CRB1: variants seen among roughly 807,000 people sequenced by gnomAD.
CRB1 encodes the protein protein crumbs homolog 1.
A neutral mutation model predicts 120.0 loss-of-function variants in CRB1; 83 were observed. That is an observed-to-expected ratio of 0.69 (90% CI 0.58 to 0.83). The LOEUF (loss-of-function observed/expected upper bound fraction) is 0.83. Ranked by LOEUF, CRB1 falls within the 40% of genes least tolerant of loss-of-function variation. The pLI, the probability that CRB1 is intolerant of heterozygous loss-of-function variation, is 0.00. For synonymous variants in CRB1, 625 were observed against 612.5 expected (o/e 1.02, Z -0.30); for missense variants, 1,699 against 1,687.6 (o/e 1.01, Z -0.12).
chr1:197,380,953 T>A (rs1260680535), intron 5 of CRB1, among the ~76,000 whole-genome samples: 2 of 152,190 alleles, frequency 1.3e-5, no homozygotes, highest in African/African-American at 4.8e-5. Flanking sequence ...GCATGCAAAG[T>A]GTGTCCTTAG....
chr1:197,214,741 A>C, the CRB1 span, among the ~76,000 whole-genome samples: 2 of 152,192 alleles, frequency 1.3e-5, no homozygotes, highest in African/African-American at 2.4e-5. Context: ...AGTAAATACT[A>C]CCAATATTTA....
intron 1 of CRB1, among the ~76,000 whole-genome samples, chr1:197,275,753 A>G (rs1254947431): frequency 6.6e-6 from 1 of 151,990 alleles, no homozygotes; most frequent in Non-Finnish European, 1.5e-5. Flanking sequence ...TCAATTTTTT[A>G]ACCTACTTTT....
intron 8 of CRB1, among the ~76,000 whole-genome samples, chr1:197,433,696 G>A (rs1163604939): frequency 1.3e-5 from 2 of 151,880 alleles, no homozygotes; most frequent in Admixed American, 1.3e-4. Context: ...GTATATTGAT[G>A]GGAAACAACA....
intron 5 of CRB1, among the ~76,000 whole-genome samples, chr1:197,375,406 C>A (rs1328313434): frequency 6.6e-6 from 1 of 152,176 alleles, no homozygotes; most frequent in Non-Finnish European, 1.5e-5. Flanking sequence ...TCATAGCAGG[C>A]AGTAAGCCAA....
chr1:197,323,085 A>G (rs897829423), intron 1 of CRB1, among the ~76,000 whole-genome samples: 6 of 152,326 alleles, frequency 3.9e-5, no homozygotes, highest in Admixed American at 2.6e-4. Flanking sequence ...ATCAAAAATA[A>G]TATTGAAAAA....
chr1:197,252,070 G>A, the CRB1 span, among the ~76,000 whole-genome samples: 2 of 151,692 alleles, frequency 1.3e-5, no homozygotes, highest in African/African-American at 4.8e-5. Context: ...CTTAAATTAG[G>A]GGTCAGCAAT....
At chr1:197,327,090 C>A (rs1658536996) in intron 1 of CRB1, among the ~76,000 whole-genome samples, 1 of 33,462 alleles carries the variant, frequency 3.0e-5, no homozygotes, top group South Asian at 1.2e-3. Context: ...TTCTCACACA[C>A]CAAAAAAAAA....
intron 1 of CRB1, among the ~76,000 whole-genome samples, chr1:197,315,383 G>T (rs1657778794): frequency 6.6e-6 from 1 of 152,094 alleles, no homozygotes; most frequent in South Asian, 2.1e-4. Context: ...AAAAGCTTGG[G>T]GTTGACGGTA....
chr1:197,355,592 T>A (rs1660427477), intron 4 of CRB1, among the ~76,000 whole-genome samples: 1 of 152,162 alleles, frequency 6.6e-6, no homozygotes, highest in Admixed American at 6.5e-5. Context: ...ACTGGTGTGC[T>A]GGCACTGCTG....
intron 11 of CRB1, among the ~76,000 whole-genome samples, chr1:197,453,661 CA>C (rs1174480334): frequency 6.8e-6 from 1 of 146,278 alleles, no homozygotes; most frequent in African/African-American, 2.5e-5. Context: ...ATTGCAGCCT[CA>C]AACTTCTAGG....
chr1:197,262,984 G>T, the CRB1 span, among the ~76,000 whole-genome samples: 1 of 152,130 alleles, frequency 6.6e-6, no homozygotes, highest in Non-Finnish European at 1.5e-5. Flanking sequence ...GCGCTGTAAT[G>T]AACATATGAT....
intron 1 of CRB1, among the ~76,000 whole-genome samples, chr1:197,277,702 A>G (rs958348202): frequency 2.0e-5 from 3 of 151,992 alleles, no homozygotes; most frequent in Admixed American, 6.6e-5. Context: ...ATTAATTTTT[A>G]TATGAGTTGT....
At chr1:197,429,411 C>A in intron 7 of CRB1, 38 bp from the exon 8 acceptor site, 1 of 1,607,818 alleles carries the variant, frequency 6.2e-7, no homozygotes, top group Non-Finnish European at 8.5e-7. Flanking sequence ...TATTTAGTTG[C>A]CAGTGCTTTT....
chr1:197,267,634 T>G (rs1013044556), upstream of CRB1, among the ~76,000 whole-genome samples: 2 of 152,216 alleles, frequency 1.3e-5, no homozygotes, highest in African/African-American at 4.8e-5. Context: ...AAATACAATT[T>G]TAAGGACTTG....
chr1:197,351,109 AAGC>A (rs1660065923), intron 4 of CRB1, among the ~76,000 whole-genome samples: 1 of 151,350 alleles, frequency 6.6e-6, no homozygotes, highest in Non-Finnish European at 1.5e-5. Flanking sequence ...TGGGAGACCA[AAGC>A]AAGCAGATCA....
intron 1 of CRB1, among the ~76,000 whole-genome samples, chr1:197,291,745 A>G (rs1656195093): frequency 6.6e-6 from 1 of 151,868 alleles, no homozygotes; most frequent in Admixed American, 6.6e-5. Context: ...TAGATTGCAT[A>G]TATAATTATA....
At chr1:197,345,048 A>G (rs752940856) in intron 3 of CRB1, among the ~76,000 whole-genome samples, 1 of 152,242 alleles carries the variant, frequency 6.6e-6, no homozygotes, top group Non-Finnish European at 1.5e-5. Flanking sequence ...GAACAGCAAT[A>G]AATTACATCT....
chr1:197,445,696 G>C (rs1287515567), intron 11 of CRB1, among the ~76,000 whole-genome samples: 1 of 152,098 alleles, frequency 6.6e-6, no homozygotes, highest in Non-Finnish European at 1.5e-5. Context: ...TAGTGAGTTA[G>C]GCAGGAAATC....
chr1:197,231,817 C>T, the CRB1 span, among the ~76,000 whole-genome samples: 1 of 152,140 alleles, frequency 6.6e-6, no homozygotes, highest in Non-Finnish European at 1.5e-5. Context: ...CAGTAGCTCT[C>T]TTCTGTAGAC....
Sources: allele counts gnomAD v4.1 joint callset (sites outside exome capture counted in the v4.1 genomes callset), GRCh38; gene constraint gnomAD v4.1.1; transcripts MANE v1.5; gene names NCBI Gene and HGNC (gene_info 2026-07-23, HGNC 2026-07-21).